B3GAT2: variants seen among roughly 807,000 people sequenced by gnomAD.
B3GAT2 encodes beta-1,3-glucuronyltransferase 2.
B3GAT2 carries 26 observed loss-of-function variants against 27.8 expected under a neutral mutation model. That is an observed-to-expected ratio of 0.93 (90% CI 0.68 to 1.30). The LOEUF is 1.30. B3GAT2 is among the 50% of genes most tolerant of loss of function. The pLI, the probability that B3GAT2 is intolerant of heterozygous loss-of-function variation, is 0.00. For synonymous variants in B3GAT2, 218 were observed against 195.1 expected (o/e 1.12, Z -0.98); for missense variants, 458 against 459.0 (o/e 1.00, Z 0.02).
In B3GAT2 at chr6:70,956,468, G is replaced by C; in HGVS notation, c.-39C>G. 6.5e-7 allele frequency: 1 copy of C among 1,549,320 alleles called. No individual in the cohort carries two copies. Among genetic ancestry groups the C allele is most frequent in the East Asian group, 2.4e-5 (1 of 40,906 alleles). ...TGGCCTCTCGGACACCCCAGAGAGG[G>C]GCGAGCCGAGGGACCCCAGTGCGCA... is the stretch of plus-strand genomic sequence containing the variant. On this transcript the variant is annotated 5_prime_UTR_variant, in exon 1 of 4. Transcript: ENST00000230053.
rs1223016907 is a variant in B3GAT2 at position 70,876,574 on chromosome 6, A to G, written c.737-14596T>C. Among the ~76,000 whole-genome samples, 4 of 152,242 alleles carry G rather than the reference A, an allele frequency of 2.6e-5. No individual in the cohort carries two copies. The East Asian group carries it at 7.7e-4, about 29-fold the overall frequency. On this transcript the variant is annotated intron_variant, in intron 2 of 3. Transcript: ENST00000230053. Reference sequence around the variant, plus strand: ...CGGTTATTGTAAATCTTAAATGAATATATGTAAACAAATATTTACCTGGAA... The same window carrying G: ...CGGTTATTGTAAATCTTAAATGAATGTATGTAAACAAATATTTACCTGGAA...
intron 2 of B3GAT2, among the ~76,000 whole-genome samples, chr6:70,891,613 T>C (rs1304448087): frequency 6.6e-6 from 1 of 152,188 alleles, no homozygotes; most frequent in Non-Finnish European, 1.5e-5. Flanking sequence ...TTCTACTGAA[T>C]GTGCTCAAAC....
At chr6:70,900,008 A>G (rs1772469435) in intron 1 of B3GAT2, among the ~76,000 whole-genome samples, 1 of 152,236 alleles carries the variant, frequency 6.6e-6, no homozygotes, top group Admixed American at 6.5e-5. Flanking sequence ...GCATTAAAGC[A>G]ATGGATATTA....
chr6:70,872,662 G>T (rs566614448), intron 2 of B3GAT2, among the ~76,000 whole-genome samples: 2 of 150,792 alleles, frequency 1.3e-5, no homozygotes. Context: ...CTTTTGATTG[G>T]GTTTTTTATC....
chr6:70,862,082 C>G lies in B3GAT2; in HGVS notation c.737-104G>C, dbSNP rs898291552. ...ATCAAAACAGTTTTTAAAATACCTA[C>G]TGTGTGTCAGGTCTTGGTTTACAAA... On this transcript the variant is annotated intron_variant, in intron 2 of 3. Coordinates refer to ENST00000230053, the MANE Select transcript of B3GAT2 (RefSeq NM_080742.3). 1.1e-5 allele frequency: 12 copies of G among 1,058,550 alleles called. No individual in the cohort carries two copies. The Admixed American group carries it at 1.1e-4, about 10-fold the overall frequency. The allele number at this position is 1,058,550 out of a possible 1,614,324, so 65.6% of individuals were successfully genotyped here. A position where few individuals can be genotyped will look rare whatever the true frequency, so the allele number is the denominator to read the frequency against.
chr6:70,933,848 G>A (rs2150046728), intron 1 of B3GAT2, among the ~76,000 whole-genome samples: 1 of 152,262 alleles, frequency 6.6e-6, no homozygotes, highest in African/African-American at 2.4e-5. Flanking sequence ...ACTTCTGAGA[G>A]ACGTACAAAT....
At chr6:70,868,174 A>T (rs1771881103) in intron 2 of B3GAT2, among the ~76,000 whole-genome samples, 1 of 152,226 alleles carries the variant, frequency 6.6e-6, no homozygotes, top group Admixed American at 6.5e-5. Context: ...TAATAAGGAC[A>T]TCTACAAAAA....
chr6:70,948,033 C>G (rs1395548380), intron 1 of B3GAT2, among the ~76,000 whole-genome samples: 1 of 151,970 alleles, frequency 6.6e-6, no homozygotes, highest in African/African-American at 2.4e-5. Context: ...TTCAACAACC[C>G]TTCATGCTAA....
chr6:70,946,545 A>T (rs917543205), intron 1 of B3GAT2, among the ~76,000 whole-genome samples: 1 of 152,022 alleles, frequency 6.6e-6, no homozygotes, highest in African/African-American at 2.4e-5. Context: ...CCTAAATATA[A>T]ATGCACCCAA....
intron 1 of B3GAT2, among the ~76,000 whole-genome samples, chr6:70,907,438 G>T (rs140134954): frequency 6.6e-6 from 1 of 152,182 alleles, no homozygotes; most frequent in Admixed American, 6.5e-5. Context: ...AAAGACTTCA[G>T]GACGGTGATG....
In B3GAT2 at chr6:70,860,618, T is replaced by G. The variant is rs1771676711; in HGVS notation, c.*1045A>C. On this transcript the variant is annotated 3_prime_UTR_variant, in exon 4 of 4. Transcript: ENST00000230053. ...TCAACTTGCAAAATCAGTTTTCCTC[T>G]CAATAAAATTATAGCTCTAATGTTT... is the stretch of plus-strand genomic sequence containing the variant. 2 of 433,202 alleles carry G rather than the reference T, an allele frequency of 4.6e-6. No individual in the cohort carries two copies. Among genetic ancestry groups the G allele is most frequent in the Non-Finnish European group, 8.1e-6 (2 of 246,412 alleles). 26.8% of individuals were successfully genotyped at this position (433,202 alleles called of 1,614,324 possible). A position where few individuals can be genotyped will look rare whatever the true frequency, so the allele number is the denominator to read the frequency against.
rs1307656684 is a variant in B3GAT2, at chr6:70,858,824, T to C, written c.*2839A>G. On this transcript the variant is annotated 3_prime_UTR_variant, in exon 4 of 4. Transcript: ENST00000230053. ...TACATACCCTATAATGACTTTTATG[T>C]TTAAAAAGAGTACAAAAAGATTCAA... 1 of 152,860 alleles carries C rather than the reference T, an allele frequency of 6.5e-6. No individual in the cohort carries two copies. The highest frequency in any genetic ancestry group is 1.5e-5 in the Non-Finnish European group (1 of 68,514). The allele number at this position is 152,860 out of a possible 1,614,324, so 9.5% of individuals were successfully genotyped here. A position where few individuals can be genotyped will look rare whatever the true frequency, so the allele number is the denominator to read the frequency against.
Position 70,921,081 on chromosome 6 carries a change from G to A in B3GAT2, c.592-26809C>T, listed in dbSNP as rs111613863. On this transcript the variant is annotated intron_variant, in intron 1 of 3. Transcript: ENST00000230053. Reference sequence around the variant, plus strand: ...TTTTTTCTTTGATGTTGACGTTGGAGAATCTGATGCCTACATGTCTTGGGG... The same window carrying A: ...TTTTTTCTTTGATGTTGACGTTGGAAAATCTGATGCCTACATGTCTTGGGG... Among the ~76,000 whole-genome samples, 441 of 152,240 alleles carry A rather than the reference G, an allele frequency of 2.9e-3. 4 individuals are homozygous for A. Among genetic ancestry groups the A allele is most frequent in the African/African-American group, 1.0e-2 (415 of 41,540 alleles).
intron 1 of B3GAT2, among the ~76,000 whole-genome samples, chr6:70,933,062 G>C (rs762969172): frequency 6.6e-6 from 1 of 152,092 alleles, no homozygotes; most frequent in Non-Finnish European, 1.5e-5. Flanking sequence ...GCCTCCCAAA[G>C]TGCTGGGATT....
In B3GAT2 at chr6:70,857,801, C is replaced by G; in HGVS notation, c.*3862G>C. 3.5e-6 allele frequency: 4 copies of G among 1,133,878 alleles called. No individual in the cohort carries two copies. In the South Asian group the frequency reaches 4.6e-5, roughly 13 times the overall value. The allele number at this position is 1,133,878 out of a possible 1,614,324, so 70.2% of individuals were successfully genotyped here. Reference sequence around the variant, plus strand: ...GGTTGGTCTGAGTAGTAGGAGCAGCCAAACTGGAATTAAAATGTTTGCTGT... The same window carrying G: ...GGTTGGTCTGAGTAGTAGGAGCAGCGAAACTGGAATTAAAATGTTTGCTGT... On this transcript the variant is annotated 3_prime_UTR_variant, in exon 4 of 4. Transcript: ENST00000230053.
At position 70,861,565 on chromosome 6, in the gene B3GAT2, A is replaced by G; in HGVS notation, c.*98T>C. 1 of 1,141,960 alleles carries G rather than the reference A, an allele frequency of 8.8e-7. No individual in the cohort carries two copies. 70.7% of individuals were successfully genotyped at this position (1,141,960 alleles called of 1,614,324 possible). On this transcript the variant is annotated 3_prime_UTR_variant, in exon 4 of 4. Transcript: ENST00000230053. The stretch of plus-strand genomic sequence containing the variant: ...CAAGAAAGGCTGCTGTACTGAAGTA[A>G]AACAAACAATACCTGAATGCTCTGT...
At chr6:70,941,368 A>G (rs540177426) in intron 1 of B3GAT2, among the ~76,000 whole-genome samples, 28 of 152,262 alleles carry the variant, frequency 1.8e-4, no homozygotes, top group Non-Finnish European at 3.7e-4. Context: ...CAATCACTCG[A>G]GGCAGTCAAC....
At chr6:70,928,344 C>G (rs990548377) in intron 1 of B3GAT2, among the ~76,000 whole-genome samples, 1 of 151,504 alleles carries the variant, frequency 6.6e-6, no homozygotes. Flanking sequence ...CAGACCAGAA[C>G]TGAAGGCGAC....
chr6:70,913,063 T>A (rs577604526), intron 1 of B3GAT2, among the ~76,000 whole-genome samples: 1 of 152,148 alleles, frequency 6.6e-6, no homozygotes, highest in Non-Finnish European at 1.5e-5. Flanking sequence ...GCTCTGTTTT[T>A]TGATTAGTAT....
Sources: gnomAD v4.1 joint callset for allele counts (sites outside exome capture counted in the v4.1 genomes callset) on GRCh38, gnomAD v4.1.1 for gene constraint, MANE v1.5 for transcripts, NCBI Gene and HGNC (gene_info 2026-07-23, HGNC 2026-07-21) for gene names.